Variants in VSIG10 observed in about 807,000 individuals in gnomAD.
VSIG10 encodes the protein V-set and immunoglobulin domain containing 10, also known as V-set and immunoglobulin domain-containing protein 10.
VSIG10 carries 48 observed loss-of-function variants against 58.7 expected under a neutral mutation model. The ratio of observed to expected loss-of-function variants is 0.82; its 90% CI spans 0.65 to 1.04. The LOEUF is 1.04. Ranked by LOEUF, VSIG10 falls within the 50% of genes least tolerant of loss-of-function variation. The pLI is 0.00. For missense variants in VSIG10, 628 were observed against 670.0 expected, an observed-to-expected ratio of 0.94 and a Z score of 0.69; for synonymous variants, 260 against 267.1, an observed-to-expected ratio of 0.97 and a Z score of 0.26.
intron 4 of VSIG10, among the ~76,000 whole-genome samples, chr12:118,075,513 G>A (rs2032693122): frequency 6.6e-6 from 1 of 152,106 alleles, no homozygotes; most frequent in East Asian, 1.9e-4. Context: ...CTGCCACCAT[G>A]CCTGGCTAAT....
chr12:118,076,806 C>A (rs1423242729), intron 4 of VSIG10, among the ~76,000 whole-genome samples: 1 of 151,570 alleles, frequency 6.6e-6, no homozygotes, highest in East Asian at 2.0e-4. Context: ...TAGGTGCATA[C>A]CACCATGCCC....
intron 5 of VSIG10, among the ~76,000 whole-genome samples, 194 bp downstream of exon 5, chr12:118,073,505 C>G (rs919960032): frequency 6.6e-6 from 1 of 152,134 alleles, no homozygotes; most frequent in Non-Finnish European, 1.5e-5. Flanking sequence ...ATTTTTGCTA[C>G]CTATGGAAAT....
intron 2 of VSIG10, among the ~76,000 whole-genome samples, 165 bp from the exon 3 acceptor site, chr12:118,082,594 C>A (rs117012134): frequency 0.06 from 9,147 of 152,248 alleles, 415 homozygotes; most frequent in Admixed American, 0.1. Flanking sequence ...TACATTATTT[C>A]ATTTAATCCT....
intron 2 of VSIG10, among the ~76,000 whole-genome samples, chr12:118,088,805 C>T (rs1314478752): frequency 6.6e-6 from 1 of 152,186 alleles, no homozygotes; most frequent in Non-Finnish European, 1.5e-5. Flanking sequence ...ACAAGCCCTA[C>T]ATCAGTCAAG....
chr12:118,098,924 T>TGG (rs35378165), intron 1 of VSIG10, among the ~76,000 whole-genome samples: 43,672 of 147,394 alleles, frequency 0.3, 6,814 homozygotes, highest in Admixed American at 0.4. Context: ...AGATGGGGGT[T>TGG]GGGGGGGGTC....
chr12:118,081,485 T>C (rs2137896963), intron 3 of VSIG10, among the ~76,000 whole-genome samples: 1 of 151,882 alleles, frequency 6.6e-6, no homozygotes, highest in East Asian at 2.0e-4. Context: ...CTGAGCCCAT[T>C]CAATTGTACA....
intron 4 of VSIG10, among the ~76,000 whole-genome samples, chr12:118,074,637 C>A (rs2032639285): frequency 6.6e-6 from 1 of 152,066 alleles, no homozygotes; most frequent in African/African-American, 2.4e-5. Context: ...AGCCACCACG[C>A]CCACCTAATT....
chr12:118,095,287 CG>C (rs1592893086), intron 2 of VSIG10, among the ~76,000 whole-genome samples: 1 of 152,124 alleles, frequency 6.6e-6, no homozygotes, highest in Non-Finnish European at 1.5e-5. Context: ...GTGATCCGCC[CG>C]GCTTGGCCTG....
intron 2 of VSIG10, among the ~76,000 whole-genome samples, chr12:118,095,145 C>T (rs111594282): frequency 0.045 from 6,844 of 152,214 alleles, 196 homozygotes; most frequent in Middle Eastern, 0.11. Flanking sequence ...CCTTGTGACC[C>T]GCCCACCTTG....
Position 118,065,236 on chromosome 12 carries a change from T to C in VSIG10, c.*1403A>G, listed in dbSNP as rs542234885. 6.6e-6 allele frequency: 1 copy of C among 152,350 alleles called. No homozygotes were observed. The highest frequency in any genetic ancestry group is 1.9e-4 in the East Asian group (1 of 5,180). The allele number at this position is 152,350 out of a possible 1,614,324, so 9.4% of individuals were successfully genotyped here. A position where few individuals can be genotyped will look rare whatever the true frequency, so the allele number is the denominator to read the frequency against. On this transcript the variant is annotated 3_prime_UTR_variant, in exon 9 of 9. Transcript: ENST00000359236. ...TGAGAAAGAGTCCAGATGAGCTGGT[T>C]TGCCCAAGCAATTCTTATCACCAGA... is the stretch of plus-strand genomic sequence containing the variant.
chr12:118,088,655 TC>T (rs2033203620), intron 2 of VSIG10, among the ~76,000 whole-genome samples: 1 of 152,172 alleles, frequency 6.6e-6, no homozygotes, highest in South Asian at 2.1e-4. Flanking sequence ...CTGGCCACTG[TC>T]GGGGAGCAAC....
intron 2 of VSIG10, among the ~76,000 whole-genome samples, chr12:118,094,968 A>G (rs909922241): frequency 2.6e-5 from 4 of 151,418 alleles, no homozygotes; most frequent in African/African-American, 4.9e-5. Flanking sequence ...CAGTGGCGCA[A>G]TCTTGGCTCA....
intron 7 of VSIG10, among the ~76,000 whole-genome samples, chr12:118,070,698 G>A (rs1408314710): frequency 1.3e-5 from 2 of 152,154 alleles, no homozygotes; most frequent in East Asian, 3.8e-4. Flanking sequence ...CTCAATGACA[G>A]ACCTGCAATG....
intron 1 of VSIG10, chr12:118,102,975 G>A (rs1382756604): frequency 1.3e-5 from 2 of 152,208 alleles, no homozygotes; most frequent in East Asian, 3.8e-4. Context: ...GACCATAGAT[G>A]AAGCATTTCA....
intron 2 of VSIG10, among the ~76,000 whole-genome samples, chr12:118,086,769 G>A (rs2033140440): frequency 6.6e-6 from 1 of 152,062 alleles, no homozygotes; most frequent in African/African-American, 2.4e-5. Context: ...ATTTACTTAT[G>A]TATTTTTTTG....
Position 118,083,114 on chromosome 12 carries a change from C to CAAAAAAAAA in VSIG10, c.362-694_362-686dup, listed in dbSNP as rs61523301. Among the ~76,000 whole-genome samples the CAAAAAAAAA allele has an allele frequency of 1.1e-4, 6 of 55,030 alleles. 1 individual carries two copies. The highest frequency in any genetic ancestry group is 5.3e-4 in the East Asian group (1 of 1,904). 36.1% of individuals were successfully genotyped at this position (55,030 alleles called of 152,430 possible). A position where few individuals can be genotyped will look rare whatever the true frequency, so the allele number is the denominator to read the frequency against. The stretch of plus-strand genomic sequence containing the variant: ...AGCAACACAGCAAGTCTCCGTCTCA[C>CAAAAAAAAA]AAAAAAAAAAAAAAAAAAAAAAAAA... On this transcript the variant is annotated intron_variant, in intron 2 of 8. Transcript: ENST00000359236.
intron 6 of VSIG10, 93 bp downstream of exon 6, chr12:118,071,266 C>G: frequency 7.3e-7 from 1 of 1,364,720 alleles, no homozygotes; most frequent in Non-Finnish European, 1.0e-6. Flanking sequence ...GAGAACAGAA[C>G]TTCAGGTGGG....
chr12:118,070,206 T>G (rs1182637709), intron 7 of VSIG10, among the ~76,000 whole-genome samples: 1 of 152,038 alleles, frequency 6.6e-6, no homozygotes, highest in Non-Finnish European at 1.5e-5. Context: ...CTACTGGGGT[T>G]TCCTTTTGGG....
Position 118,079,340 on chromosome 12 carries a change from A to G in VSIG10, c.925+6T>C. ...CCAACCCCAAGACAAAGCAAAACAG[A>G]CTCACTGATCTGCACCATGCAGCTG... is the stretch of plus-strand genomic sequence containing the variant. On this transcript the variant is annotated splice_donor_region_variant and intron_variant, in intron 4 of 8. Transcript: ENST00000359236. 1 of 1,612,192 alleles carries G rather than the reference A, an allele frequency of 6.2e-7. No individual in the cohort carries two copies. Among genetic ancestry groups the G allele is most frequent in the Non-Finnish European group, 8.5e-7 (1 of 1,178,506 alleles).
Sources: allele counts gnomAD v4.1 joint callset (sites outside exome capture counted in the v4.1 genomes callset), GRCh38; gene constraint gnomAD v4.1.1; transcripts MANE v1.5; gene names NCBI Gene and HGNC (gene_info 2026-07-23, HGNC 2026-07-21).